Variants in NR5A2 observed in about 807,000 individuals in gnomAD.
NR5A2 encodes CYP7A promoter-binding factor.
A neutral mutation model predicts 62.7 loss-of-function variants in NR5A2; 26 were observed. The observed-to-expected ratio is 0.41, with a 90% confidence interval of 0.30 to 0.58. The LOEUF (loss-of-function observed/expected upper bound fraction) is 0.58. Among genes scored for constraint, NR5A2 ranks in the 20% least tolerant of loss-of-function variants. The pLI is 0.22. For missense variants in NR5A2, 541 were observed against 669.1 expected, an observed-to-expected ratio of 0.81 and a Z score of 2.11; for synonymous variants, 246 against 241.7, an observed-to-expected ratio of 1.02 and a Z score of -0.16.
chr1:200,129,184 C>A (rs1481709308), intron 7 of NR5A2, among the ~76,000 whole-genome samples: 1 of 152,180 alleles, frequency 6.6e-6, no homozygotes, highest in Non-Finnish European at 1.5e-5. Context: ...ATAACTCCAG[C>A]ACAAGCCATC....
intron 7 of NR5A2, among the ~76,000 whole-genome samples, chr1:200,129,929 C>G (rs1015593738): frequency 3.3e-5 from 5 of 152,154 alleles, no homozygotes; most frequent in African/African-American, 1.2e-4. Flanking sequence ...CTGTTGGAGT[C>G]TGAGTGCTCC....
chr1:200,115,589 T>C (rs2102301346), intron 6 of NR5A2, among the ~76,000 whole-genome samples: 1 of 152,212 alleles, frequency 6.6e-6, no homozygotes, highest in South Asian at 2.1e-4. Context: ...AAATCAAAGA[T>C]GTAAGGGGAA....
intron 5 of NR5A2, among the ~76,000 whole-genome samples, chr1:200,078,381 ATTGT>A (rs1664139720): frequency 1.3e-5 from 2 of 152,178 alleles, no homozygotes; most frequent in South Asian, 2.1e-4. Flanking sequence ...ATCAAGACTG[ATTGT>A]TTGTAGTTAT....
At position 200,097,527 on chromosome 1, in the gene NR5A2, T is replaced by C. The variant is rs563837078; in HGVS notation, c.1111-13675T>C. The stretch of plus-strand genomic sequence containing the variant: ...ACCTTTGGGGAACTTATATTTTGTA[T>C]ATCAGGATGGCTGTGCTATGCATAA... On this transcript the variant is annotated intron_variant, in intron 5 of 7. Transcript: ENST00000367362. Among the ~76,000 whole-genome samples, 3 of 152,386 alleles carry C rather than the reference T, an allele frequency of 2.0e-5. No individual in the cohort carries two copies. In the East Asian group the frequency reaches 5.8e-4, roughly 29 times the overall value.
intron 6 of NR5A2, among the ~76,000 whole-genome samples, chr1:200,112,399 A>G (rs181407429): frequency 6.6e-6 from 1 of 152,334 alleles, no homozygotes; most frequent in African/African-American, 2.4e-5. Context: ...CCTTTGGGTC[A>G]TACCTATTCA....
At chr1:200,068,010 G>T (rs1460445998) in intron 5 of NR5A2, among the ~76,000 whole-genome samples, 1 of 152,162 alleles carries the variant, frequency 6.6e-6, no homozygotes, top group East Asian at 1.9e-4. Context: ...ACCTATAGAT[G>T]AATTTCATCC....
At position 200,043,804 on chromosome 1, in the gene NR5A2, A is replaced by G. The variant is rs750415576; in HGVS notation, c.233A>G (p.Tyr78Cys). ...VSQFKMVNYS[Y>C]DEDLEELCPV... ...CAATTTAAAATGGTGAATTACTCCTATGATGAAGATCTGGAAGAGCTTTGT... is the reference window on the plus strand; with the variant it reads ...CAATTTAAAATGGTGAATTACTCCTGTGATGAAGATCTGGAAGAGCTTTGT... Residue 78 changes from tyrosine (Y) to cysteine (C), a missense_variant, in exon 3 of 8, where the codon TAT (tyrosine) becomes TGT (cysteine). This residue lies in a region of NR5A2 where 108 missense variants were observed against 103.3 expected (regional missense o/e 1.05). Transcript: ENST00000367362. 8.1e-6 allele frequency: 13 copies of G among 1,613,274 alleles called. No individual in the cohort carries two copies. The highest frequency in any genetic ancestry group is 1.1e-5 in the South Asian group (1 of 91,026).
At position 200,034,250 on chromosome 1, in the gene NR5A2, A is replaced by G. The variant is rs553693978; in HGVS notation, c.65-5408A>G. Among the ~76,000 whole-genome samples, 5 of 152,264 alleles carry G rather than the reference A, an allele frequency of 3.3e-5. No homozygotes were observed. The South Asian group carries it at 6.2e-4, about 19-fold the overall frequency. On this transcript the variant is annotated intron_variant, in intron 1 of 7. Coordinates refer to ENST00000367362, the MANE Select transcript of NR5A2 (RefSeq NM_205860.3). ...TTCTGTTGGCCCCGAGGCTGGACAGAATTGATTCCAATGGATGGAGTCCCA... is the reference window on the plus strand; with the variant it reads ...TTCTGTTGGCCCCGAGGCTGGACAGGATTGATTCCAATGGATGGAGTCCCA...
intron 5 of NR5A2, among the ~76,000 whole-genome samples, chr1:200,052,851 A>G (rs71633888): frequency 0.058 from 8,818 of 152,168 alleles, 305 homozygotes; most frequent in Middle Eastern, 0.088. Context: ...CGTGTTAGCC[A>G]GGATGGTCTT....
chr1:200,039,525 C>G lies in NR5A2; in HGVS notation c.65-133C>G. The G allele has an allele frequency of 7.6e-7, 1 of 1,308,742 alleles. No individual in the cohort carries two copies. The highest frequency in any genetic ancestry group is 1.5e-5 in the African/African-American group (1 of 66,986). 81.1% of individuals were successfully genotyped at this position (1,308,742 alleles called of 1,614,324 possible). On this transcript the variant is annotated intron_variant, in intron 1 of 7. Coordinates refer to ENST00000367362, the MANE Select transcript of NR5A2 (RefSeq NM_205860.3). This position sits in a 1 kb window ranked among gnomAD's most constrained non-coding sequence, Gnocchi z 5.1. ...TCCGGAGCTGCGAGACCGGACAGGG[C>G]TCAGAGGTCCTGCCCGGCAGCCCCG...
chr1:200,059,686 C>G (rs1282378008), intron 5 of NR5A2, among the ~76,000 whole-genome samples: 1 of 152,192 alleles, frequency 6.6e-6, no homozygotes, highest in Non-Finnish European at 1.5e-5. Context: ...TGACATCCCT[C>G]AACACACTTT....
At chr1:200,148,006 C>T (rs1162985619) in intron 7 of NR5A2, 8 of 305,450 alleles carry the variant, frequency 2.6e-5, no homozygotes, top group Non-Finnish European at 4.4e-5. Flanking sequence ...GAGCCGAAAA[C>T]GCCCAGTTCG....
chr1:200,047,687 C>T (rs896240452), intron 4 of NR5A2, among the ~76,000 whole-genome samples: 2 of 151,946 alleles, frequency 1.3e-5, no homozygotes. Context: ...AGCGATTCTC[C>T]TGTCTCAGCC....
At chr1:200,141,344 G>A (rs1293554144) in intron 7 of NR5A2, among the ~76,000 whole-genome samples, 1 of 151,558 alleles carries the variant, frequency 6.6e-6, no homozygotes, top group East Asian at 1.9e-4. Flanking sequence ...GATATTTCAA[G>A]AATGTTATAT....
In NR5A2 at chr1:200,039,676, G is replaced by C; in HGVS notation, c.83G>C (p.Arg28Pro). 6.2e-7 allele frequency: 1 copy of C among 1,610,592 alleles called. No individual in the cohort carries two copies. The highest frequency in any genetic ancestry group is 8.5e-7 in the Non-Finnish European group (1 of 1,178,670). ...TGTCCAGGTGCTGGGCTTCCGGACC[G>C]ACACGGATCCCCCATCCCCGCCCGC... ...LTPIGAGLPD[R>P]HGSPIPARGR... The change falls in exon 2 of 8, where the codon CGA becomes CCA. Residue 28 changes from arginine to proline, a missense_variant. Arg to Pro is a moderately radical substitution (Grantham distance 103). Transcript: ENST00000367362. The surrounding 1 kb of genome is among the most constrained non-coding windows in gnomAD (Gnocchi z 5.1).
intron 5 of NR5A2, among the ~76,000 whole-genome samples, chr1:200,099,681 C>T (rs961370998): frequency 6.6e-6 from 1 of 152,136 alleles, no homozygotes. Flanking sequence ...GCAACCTCTG[C>T]CTCCCAGGTT....
chr1:200,137,398 T>G (rs1373072887), intron 7 of NR5A2, among the ~76,000 whole-genome samples: 1 of 151,430 alleles, frequency 6.6e-6, no homozygotes, highest in East Asian at 1.9e-4. Context: ...ACTCCTGACC[T>G]GAAGTGATCT....
chr1:200,168,007 T>A lies in NR5A2; in HGVS notation c.1379-5956T>A, dbSNP rs137945689. On this transcript the variant is annotated intron_variant, in intron 7 of 7. Coordinates refer to ENST00000367362, the MANE Select transcript of NR5A2 (RefSeq NM_205860.3). ...AGAGACTGTGCCTTTTATTTCCATATCTCCAACACCCAGACCAGAGCTGTT... is the reference window on the plus strand; with the variant it reads ...AGAGACTGTGCCTTTTATTTCCATAACTCCAACACCCAGACCAGAGCTGTT... 2.5e-3 allele frequency among the ~76,000 whole-genome samples: 385 copies of A among 152,108 alleles called. 1 individual carries two copies. Among genetic ancestry groups the A allele is most frequent in the Non-Finnish European group, 4.0e-3 (274 of 67,986 alleles).
At chr1:200,165,132 C>T (rs1653837638) in intron 7 of NR5A2, among the ~76,000 whole-genome samples, 2 of 152,116 alleles carry the variant, frequency 1.3e-5, no homozygotes, top group African/African-American at 4.8e-5. Context: ...CCGCCTCGGC[C>T]TCCCAAAGTG....
Sources: allele counts gnomAD v4.1 joint callset (sites outside exome capture counted in the v4.1 genomes callset), GRCh38; gene constraint gnomAD v4.1.1; regional missense constraint gnomAD v4.1.1; non-coding constraint Gnocchi (gnomAD v3.1); transcripts MANE v1.5; gene names NCBI Gene and HGNC (gene_info 2026-07-23, HGNC 2026-07-21).